TMEM131: variants seen among roughly 807,000 people sequenced by gnomAD.
TMEM131 encodes transmembrane protein 131, also known as 2610524E03Rik.
In TMEM131, 66 loss-of-function variants were observed where a neutral mutation model predicts 211.6. That is an observed-to-expected ratio of 0.31 (90% CI 0.26 to 0.38). TMEM131 has a LOEUF of 0.38. TMEM131 is among the 10% of genes least tolerant of loss of function. The pLI is 1.00. For synonymous variants in TMEM131, 844 were observed against 841.3 expected (o/e 1.00, Z -0.06); for missense variants, 2,036 against 2,299.3 (o/e 0.89, Z 2.34).
intron 11 of TMEM131, among the ~76,000 whole-genome samples, chr2:97,828,778 T>C (rs1433074916): frequency 2.6e-5 from 4 of 152,214 alleles, no homozygotes; most frequent in Non-Finnish European, 4.4e-5. Flanking sequence ...AGACAACGCC[T>C]TTCAAACTCT....
intron 3 of TMEM131, among the ~76,000 whole-genome samples, chr2:97,906,920 T>A (rs1299322708): frequency 5.9e-5 from 9 of 152,200 alleles, no homozygotes; most frequent in Non-Finnish European, 1.3e-4. Flanking sequence ...AAGTAGAGCA[T>A]GAGATGAGAA....
chr2:97,955,978 GCT>G (rs1559473287), intron 1 of TMEM131, among the ~76,000 whole-genome samples: 1 of 152,060 alleles, frequency 6.6e-6, no homozygotes, highest in Non-Finnish European at 1.5e-5. Context: ...ACACAAACTA[GCT>G]TATTCTAAAA....
At chr2:97,959,931 G>A (rs907411270) in intron 1 of TMEM131, among the ~76,000 whole-genome samples, 1 of 152,096 alleles carries the variant, frequency 6.6e-6, no homozygotes, top group Non-Finnish European at 1.5e-5. Context: ...AAGACCTAGT[G>A]TTTTACAGAA....
chr2:97,843,600 A>G (rs1357236684), intron 6 of TMEM131, among the ~76,000 whole-genome samples: 1 of 152,172 alleles, frequency 6.6e-6, no homozygotes, highest in Non-Finnish European at 1.5e-5. Flanking sequence ...TTGGCCTCCC[A>G]AAGTGCTGGG....
intron 31 of TMEM131, among the ~76,000 whole-genome samples, chr2:97,791,087 T>A (rs999485842): frequency 6.6e-6 from 1 of 152,190 alleles, no homozygotes; most frequent in Non-Finnish European, 1.5e-5. Flanking sequence ...TATATTAGCA[T>A]GGCTGCCACA....
chr2:97,951,628 T>C (rs114243231), intron 1 of TMEM131, among the ~76,000 whole-genome samples: 1,708 of 152,282 alleles, frequency 0.011, 35 homozygotes, highest in African/African-American at 0.039. Context: ...TTTTTGTTTT[T>C]GTTGCTGTTT....
chr2:97,867,724 T>A (rs1674329213), intron 4 of TMEM131, among the ~76,000 whole-genome samples: 1 of 152,198 alleles, frequency 6.6e-6, no homozygotes, highest in Admixed American at 6.5e-5. Context: ...AAATAGAACT[T>A]CTGCAACATA....
chr2:97,874,852 T>A (rs1316483897), intron 4 of TMEM131, among the ~76,000 whole-genome samples: 1 of 152,150 alleles, frequency 6.6e-6, no homozygotes, highest in Non-Finnish European at 1.5e-5. Flanking sequence ...AATAACAGGA[T>A]CAAATTTACA....
chr2:97,989,443 A>G (rs1384288663), intron 1 of TMEM131, among the ~76,000 whole-genome samples: 3 of 152,228 alleles, frequency 2.0e-5, no homozygotes, highest in Admixed American at 6.5e-5. Context: ...GGTGGTTACC[A>G]GGAGCCTGGG....
intron 39 of TMEM131, 84 bp from the exon 40 acceptor site, chr2:97,759,137 C>T: frequency 6.5e-7 from 1 of 1,527,746 alleles, no homozygotes; most frequent in African/African-American, 1.4e-5. Context: ...CAATGGCATA[C>T]CTCCAACCAC....
At chr2:97,776,106 T>G in intron 31 of TMEM131, 88 bp from the exon 32 acceptor site, 4 of 1,374,084 alleles carry the variant, frequency 2.9e-6, no homozygotes, top group Non-Finnish European at 3.9e-6. Flanking sequence ...CAGGCTGGAG[T>G]GCAGTGGCGA....
intron 25 of TMEM131, among the ~76,000 whole-genome samples, chr2:97,800,414 T>C (rs1680972914): frequency 6.6e-6 from 1 of 152,124 alleles, no homozygotes; most frequent in Non-Finnish European, 1.5e-5. Flanking sequence ...GAAAGTTAAA[T>C]ATTAGCTCAC....
chr2:97,785,352 G>A (rs1680198353), intron 31 of TMEM131, among the ~76,000 whole-genome samples: 1 of 152,106 alleles, frequency 6.6e-6, no homozygotes. Flanking sequence ...AAAACAATGG[G>A]CAAAAGACAT....
At chr2:97,925,161 T>A (rs1261179975) in intron 2 of TMEM131, among the ~76,000 whole-genome samples, 1 of 152,172 alleles carries the variant, frequency 6.6e-6, no homozygotes, top group Non-Finnish European at 1.5e-5. Context: ...CGTGAACCAC[T>A]GTGTCCACCC....
chr2:97,810,085 C>T (rs1201084042), intron 18 of TMEM131, among the ~76,000 whole-genome samples: 1 of 151,672 alleles, frequency 6.6e-6, no homozygotes. Context: ...TTTCAAAATA[C>T]AAATAATCTA....
At chr2:97,816,143 C>A (rs1681817464) in intron 12 of TMEM131, among the ~76,000 whole-genome samples, 1 of 152,118 alleles carries the variant, frequency 6.6e-6, no homozygotes, top group East Asian at 1.9e-4. Flanking sequence ...GAGTTCGAGA[C>A]AAACCTGGCC....
intron 1 of TMEM131, among the ~76,000 whole-genome samples, chr2:97,947,675 TG>T (rs1403803352): frequency 6.6e-6 from 1 of 152,114 alleles, no homozygotes; most frequent in East Asian, 1.9e-4. Flanking sequence ...AGTTTTTTGT[TG>T]TAAAAATTTA....
At chr2:97,761,953 T>C (rs1479975843) in intron 36 of TMEM131, 82 bp downstream of exon 36, 3 of 1,416,098 alleles carry the variant, frequency 2.1e-6, no homozygotes, top group Non-Finnish European at 2.8e-6. Flanking sequence ...CTGTGGCCGC[T>C]AAGTGTTTCC....
chr2:97,885,325 G>A (rs1675105710), intron 4 of TMEM131, among the ~76,000 whole-genome samples: 1 of 150,802 alleles, frequency 6.6e-6, no homozygotes, highest in Non-Finnish European at 1.5e-5. Flanking sequence ...CCGAGTAGCT[G>A]GGACTACAGG....
Sources: gnomAD v4.1 joint callset for allele counts (sites outside exome capture counted in the v4.1 genomes callset) on GRCh38, gnomAD v4.1.1 for gene constraint, MANE v1.5 for transcripts, NCBI Gene and HGNC (gene_info 2026-07-23, HGNC 2026-07-21) for gene names.